Variants in EYS observed in about 807,000 individuals in gnomAD.
EYS encodes protein eyes shut homolog.
A neutral mutation model predicts 282.1 loss-of-function variants in EYS; 250 were observed. That is an observed-to-expected ratio of 0.89 (90% CI 0.80 to 0.98). The LOEUF (loss-of-function observed/expected upper bound fraction) is 0.98, where lower values mean the gene tolerates loss of function less well. EYS is among the 50% of genes least tolerant of loss of function. EYS has a pLI of 0.00. For synonymous variants in EYS, 1,355 were observed against 1,282.9 expected, an observed-to-expected ratio of 1.06 and a Z score of -1.20; for missense variants, 4,016 against 3,709.0, an observed-to-expected ratio of 1.08 and a Z score of -2.15.
chr6:65,208,354 G>A (rs1257174801), intron 12 of EYS, among the ~76,000 whole-genome samples: 1 of 151,814 alleles, frequency 6.6e-6, no homozygotes. Context: ...ACAGTTGAGG[G>A]AAAGTAAATT....
intron 12 of EYS, among the ~76,000 whole-genome samples, chr6:65,276,240 T>C (rs957277530): frequency 6.6e-6 from 1 of 152,032 alleles, no homozygotes; most frequent in Non-Finnish European, 1.5e-5. Flanking sequence ...CATAGATGAG[T>C]TATTTCTCCC....
intron 26 of EYS, among the ~76,000 whole-genome samples, chr6:64,475,546 G>A: frequency 2.2e-5 from 1 of 44,560 alleles, no homozygotes; most frequent in South Asian, 7.6e-4. Flanking sequence ...GCGAGACTCC[G>A]TCTCAAAAAA....
intron 12 of EYS, among the ~76,000 whole-genome samples, chr6:65,094,757 G>T (rs1490292163): frequency 6.6e-6 from 1 of 150,878 alleles, no homozygotes; most frequent in Admixed American, 6.6e-5. Context: ...AGTTATAAAA[G>T]CCTACACTAT....
At chr6:65,460,301 T>C (rs556253194) in intron 5 of EYS, among the ~76,000 whole-genome samples, 1 of 151,660 alleles carries the variant, frequency 6.6e-6, no homozygotes, top group Non-Finnish European at 1.5e-5. Flanking sequence ...ATATATAAAA[T>C]ACAAATTTAC....
chr6:63,898,326 A>C (rs1347400310), intron 35 of EYS, among the ~76,000 whole-genome samples: 1 of 152,036 alleles, frequency 6.6e-6, no homozygotes, highest in Non-Finnish European at 1.5e-5. Context: ...ATTTCTACGA[A>C]AAATACAAAA....
At chr6:64,766,649 A>AAAAAAAATATATATAT (rs1387919586) in intron 22 of EYS, among the ~76,000 whole-genome samples, 3 of 19,066 alleles carry the variant, frequency 1.6e-4, no homozygotes, top group African/African-American at 1.8e-4. Flanking sequence ...AAAAAAAAAA[A>AAAAAAAATATATATAT]ATATATATAT....
At chr6:64,618,106 C>T (rs1767332721) in intron 23 of EYS, among the ~76,000 whole-genome samples, 1 of 152,136 alleles carries the variant, frequency 6.6e-6, no homozygotes, top group Non-Finnish European at 1.5e-5. Flanking sequence ...TCTCATTAAA[C>T]ATGACAATCT....
Position 64,661,211 on chromosome 6 carries a change from C to A in EYS, c.3444-34966G>T, listed in dbSNP as rs1220120836. 3.3e-5 allele frequency among the ~76,000 whole-genome samples: 5 copies of A among 152,256 alleles called. No individual in the cohort carries two copies. The South Asian group carries it at 1.0e-3, about 31-fold the overall frequency. On this transcript the variant is annotated intron_variant, in intron 22 of 42. Coordinates refer to ENST00000503581, the MANE Select transcript of EYS (RefSeq NM_001142800.2). ...GTAGAAAGCTGAAACTGGATCCTGT[C>A]CTTACACCTTATAGGAAAATTAATT...
At chr6:64,237,583 C>A (rs1411224521) in intron 30 of EYS, among the ~76,000 whole-genome samples, 1 of 152,106 alleles carries the variant, frequency 6.6e-6, no homozygotes, top group Non-Finnish European at 1.5e-5. Flanking sequence ...GTGTGGCTAA[C>A]AGGAATAAAT....
chr6:64,885,816 T>C (rs1767067790), intron 19 of EYS, among the ~76,000 whole-genome samples: 1 of 151,788 alleles, frequency 6.6e-6, no homozygotes, highest in African/African-American at 2.4e-5. Flanking sequence ...ACTTATTCTC[T>C]GGAAATACTT....
chr6:64,835,111 T>C (rs1437023905), intron 19 of EYS, among the ~76,000 whole-genome samples: 4 of 151,812 alleles, frequency 2.6e-5, no homozygotes, highest in Admixed American at 2.0e-4. Flanking sequence ...GGCTTATTTA[T>C]AACATAGTTT....
At chr6:64,594,916 T>C (rs1038996495) in intron 24 of EYS, among the ~76,000 whole-genome samples, 3 of 151,888 alleles carry the variant, frequency 2.0e-5, no homozygotes, top group African/African-American at 4.8e-5. Flanking sequence ...TTACAAAACA[T>C]TGAAGAGGAG....
intron 22 of EYS, among the ~76,000 whole-genome samples, chr6:64,664,003 T>C (rs1769140510): frequency 6.6e-6 from 1 of 152,210 alleles, no homozygotes; most frequent in Non-Finnish European, 1.5e-5. Flanking sequence ...TTAGGCGCCT[T>C]GCTGGATTAG....
chr6:63,892,423 C>T (rs1271540203), intron 35 of EYS, among the ~76,000 whole-genome samples: 1 of 152,124 alleles, frequency 6.6e-6, no homozygotes, highest in Non-Finnish European at 1.5e-5. Flanking sequence ...AGAAATACCA[C>T]CACACATCTA....
intron 29 of EYS, among the ~76,000 whole-genome samples, chr6:64,313,170 G>T (rs1769793521): frequency 6.6e-6 from 1 of 152,202 alleles, no homozygotes; most frequent in South Asian, 2.1e-4. Context: ...AGAATAACCA[G>T]TTTAGAGAAG....
At chr6:65,385,766 A>T (rs2150352760) in intron 7 of EYS, among the ~76,000 whole-genome samples, 1 of 152,066 alleles carries the variant, frequency 6.6e-6, no homozygotes, top group East Asian at 1.9e-4. Flanking sequence ...ATTTTACTCT[A>T]CTACTCCACA....
intron 35 of EYS, among the ~76,000 whole-genome samples, chr6:63,956,878 A>G (rs1765848659): frequency 6.6e-6 from 1 of 152,184 alleles, no homozygotes; most frequent in African/African-American, 2.4e-5. Context: ...TTAGCCTTAC[A>G]ACAGTGGTCT....
chr6:64,268,166 A>C (rs569427090), intron 30 of EYS, among the ~76,000 whole-genome samples: 59 of 152,224 alleles, frequency 3.9e-4, no homozygotes, highest in Non-Finnish European at 7.5e-4. Flanking sequence ...CATAAAATTA[A>C]ATATCATGTA....
At chr6:63,969,949 A>C (rs1475046604) in intron 35 of EYS, among the ~76,000 whole-genome samples, 1 of 152,192 alleles carries the variant, frequency 6.6e-6, no homozygotes, top group African/African-American at 2.4e-5. Flanking sequence ...TTCACAGGCA[A>C]CTGAGACCCT....
Sources: gnomAD v4.1 joint callset for allele counts (sites outside exome capture counted in the v4.1 genomes callset) on GRCh38, gnomAD v4.1.1 for gene constraint, MANE v1.5 for transcripts, NCBI Gene and HGNC (gene_info 2026-07-23, HGNC 2026-07-21) for gene names.